CACNA1A: variants seen among roughly 807,000 people sequenced by gnomAD.
CACNA1A encodes the protein calcium voltage-gated channel subunit alpha1 A, also known as voltage-dependent P/Q-type calcium channel subunit alpha-1A.
In CACNA1A, 57 loss-of-function variants were observed where a neutral mutation model predicts 262.4. The ratio of observed to expected loss-of-function variants is 0.22; its 90% CI spans 0.18 to 0.27. The LOEUF is 0.27. Among genes scored for constraint, CACNA1A ranks in the 10% least tolerant of loss-of-function variants. The probability of loss-of-function intolerance (pLI) is 1.00; values close to 1 mark genes in which losing one functional copy is unlikely to be tolerated. For missense variants in CACNA1A, 2,526 were observed against 3,562.8 expected, an observed-to-expected ratio of 0.71 and a Z score of 7.41; for synonymous variants, 1,431 against 1,419.3, an observed-to-expected ratio of 1.01 and a Z score of -0.18.
At position 13,286,928 on chromosome 19, in the gene CACNA1A, T is replaced by G. The variant is rs747802304; in HGVS notation, c.3128A>C (p.Asn1043Thr). The change falls in exon 20 of 47, where the codon AAC becomes ACC. Residue 1043 changes from asparagine (N) to threonine (T), a missense_variant. By Grantham distance (65) the Asn-to-Thr change is moderately conservative. This residue lies in a region of CACNA1A where 765 missense variants were observed against 748.6 expected (regional missense o/e 1.02). Coordinates refer to ENST00000360228, the MANE Select transcript of CACNA1A (RefSeq NM_001127222.2). ...QGSGVPVSGPNLSTTRPIQQD... is the reference protein window; with the variant it reads ...QGSGVPVSGPTLSTTRPIQQD... ...CTGGATTGGCCGGGTGGTTGACAGG[T>G]TGGGGCCCGACACAGGGACCCCGGA... 6.2e-7 allele frequency: 1 copy of G among 1,610,714 alleles called. No individual in the cohort carries two copies. The highest frequency in any genetic ancestry group is 8.5e-7 in the Non-Finnish European group (1 of 1,178,054).
intron 6 of CACNA1A, among the ~76,000 whole-genome samples, chr19:13,351,108 G>A (rs1290707533): frequency 6.6e-6 from 1 of 152,132 alleles, no homozygotes; most frequent in Non-Finnish European, 1.5e-5. Flanking sequence ...GGTTAAAGTG[G>A]TATCTATCTG....
intron 6 of CACNA1A, among the ~76,000 whole-genome samples, chr19:13,336,662 C>T (rs1215261920): frequency 2.1e-5 from 3 of 139,672 alleles, no homozygotes; most frequent in African/African-American, 7.9e-5. Context: ...AAAGCCAGCA[C>T]TTACAGAGTA....
At chr19:13,370,623 A>G (rs528805692) in intron 4 of CACNA1A, among the ~76,000 whole-genome samples, 37 of 146,540 alleles carry the variant, frequency 2.5e-4, no homozygotes, top group African/African-American at 9.4e-4. Flanking sequence ...GGGTTTCGCC[A>G]TGTTGCCCAG....
chr19:13,338,410 A>T (rs1467306959), intron 6 of CACNA1A, among the ~76,000 whole-genome samples: 1 of 152,196 alleles, frequency 6.6e-6, no homozygotes, highest in Admixed American at 6.5e-5. Flanking sequence ...ATCCAAGATC[A>T]CTACAATTAG....
chr19:13,280,971 C>T (rs566017781), intron 22 of CACNA1A, among the ~76,000 whole-genome samples: 18 of 149,138 alleles, frequency 1.2e-4, no homozygotes, highest in African/African-American at 4.2e-4. Flanking sequence ...GAATGCCCAT[C>T]AATCCTGCAA....
chr19:13,473,978 T>C (rs1978304724), intron 1 of CACNA1A, among the ~76,000 whole-genome samples: 1 of 152,184 alleles, frequency 6.6e-6, no homozygotes, highest in African/African-American at 2.4e-5. Context: ...AATATTTGGG[T>C]CTGCCTCGCC....
At chr19:13,473,260 A>G (rs1978291250) in intron 1 of CACNA1A, among the ~76,000 whole-genome samples, 1 of 151,968 alleles carries the variant, frequency 6.6e-6, no homozygotes, top group African/African-American at 2.4e-5. Flanking sequence ...GACAAAAAAA[A>G]AAAAAAGAGA....
rs755846938 is a variant in CACNA1A, at chr19:13,308,545, G to A, written c.1669-17C>T. ...AATGATAACCTAGGGCAGAGAACCTGGTCTCATGTCCAGGGACAGTGTCTG... is the reference window on the plus strand; with the variant it reads ...AATGATAACCTAGGGCAGAGAACCTAGTCTCATGTCCAGGGACAGTGTCTG... On this transcript the variant is annotated splice_polypyrimidine_tract_variant and intron_variant, in intron 12 of 46. Transcript: ENST00000360228. This position sits in a 1 kb window ranked among gnomAD's most constrained non-coding sequence, Gnocchi z 4.2. 3.5e-5 allele frequency: 54 copies of A among 1,522,646 alleles called. No individual in the cohort carries two copies. In the Middle Eastern group the frequency reaches 1.3e-3, roughly 35 times the overall value. 94.3% of individuals were successfully genotyped at this position (1,522,646 alleles called of 1,614,324 possible). A position where few individuals can be genotyped will look rare whatever the true frequency, so the allele number is the denominator to read the frequency against.
At chr19:13,325,379 T>C (rs923745815) in intron 10 of CACNA1A, among the ~76,000 whole-genome samples, 1 of 152,048 alleles carries the variant, frequency 6.6e-6, no homozygotes, top group Non-Finnish European at 1.5e-5. Flanking sequence ...TAGCCTCAAA[T>C]GATCCTCTCA....
rs576264819 is a variant in CACNA1A, at chr19:13,308,029, G to A, written c.1913+91C>T. 2.2e-5 allele frequency: 34 copies of A among 1,539,824 alleles called. No individual in the cohort carries two copies. The highest frequency in any genetic ancestry group is 1.7e-4 in the Middle Eastern group (1 of 5,772). ...TGACCGCAATGGGTGTCTGGGCTAC[G>A]AGGAAGGCAGCCTGCACGGTGGAGG... On this transcript the variant is annotated intron_variant, in intron 14 of 46. Transcript: ENST00000360228. This position sits in a 1 kb window ranked among gnomAD's most constrained non-coding sequence, Gnocchi z 4.2.
At position 13,298,834 on chromosome 19, in the gene CACNA1A, C is replaced by T. The variant is rs761397410; in HGVS notation, c.2799G>A (p.Val933=). The T allele has an allele frequency of 2.0e-5, 31 of 1,580,378 alleles. No individual in the cohort carries two copies. Among genetic ancestry groups the T allele is most frequent in the Middle Eastern group, 3.8e-4 (2 of 5,196 alleles). Reference sequence around the variant, plus strand: ...TCTCCCTGCTGCCCCCCTGCCGGTGCACGTGCCTCCGGTGGGGGTCCCCGG... The same window carrying T: ...TCTCCCTGCTGCCCCCCTGCCGGTGTACGTGCCTCCGGTGGGGGTCCCCGG... ...GKAGDPHRRH[V]HRQGGSRESR... The change falls in exon 19 of 47, where the codon GTG becomes GTA. Residue 933 remains valine, a synonymous_variant. Coordinates refer to ENST00000360228, the MANE Select transcript of CACNA1A (RefSeq NM_001127222.2).
chr19:13,307,499 G>A (rs576255294), intron 15 of CACNA1A: 30 of 332,966 alleles, frequency 9.0e-5, no homozygotes, highest in African/African-American at 1.7e-4. Flanking sequence ...TTCCCAAAGC[G>A]TTGGGATTAC....
intron 3 of CACNA1A, among the ~76,000 whole-genome samples, chr19:13,448,670 T>C (rs922822792): frequency 1.3e-5 from 2 of 152,152 alleles, no homozygotes; most frequent in Non-Finnish European, 2.9e-5. Context: ...GCACACAGTA[T>C]ACAACTCAGC....
intron 11 of CACNA1A, chr19:13,316,089 C>G (rs1409943492): frequency 2.0e-5 from 3 of 152,190 alleles, no homozygotes; most frequent in Non-Finnish European, 4.4e-5. Flanking sequence ...TCCTGAGTAG[C>G]TGGGATTACA....
chr19:13,491,711 C>T (rs532171859), intron 1 of CACNA1A, among the ~76,000 whole-genome samples: 4 of 152,116 alleles, frequency 2.6e-5, no homozygotes, highest in African/African-American at 7.2e-5. Context: ...TGGTGCACAC[C>T]GATAGTCCCA....
intron 1 of CACNA1A, among the ~76,000 whole-genome samples, chr19:13,493,498 A>T (rs1981146338): frequency 6.6e-6 from 1 of 152,232 alleles, no homozygotes; most frequent in African/African-American, 2.4e-5. Context: ...TTGGGGGAAA[A>T]ATTGCTCCCA....
intron 1 of CACNA1A, among the ~76,000 whole-genome samples, chr19:13,476,257 C>G (rs1050864015): frequency 1.3e-5 from 2 of 152,196 alleles, no homozygotes; most frequent in Non-Finnish European, 2.9e-5. Context: ...CCTCCCCTAT[C>G]CCTAACCCAA....
At chr19:13,234,345 A>C (rs1481488388) in intron 34 of CACNA1A, among the ~76,000 whole-genome samples, 1 of 97,410 alleles carries the variant, frequency 1.0e-5, no homozygotes, top group African/African-American at 4.3e-5. Flanking sequence ...GCGAGACTCC[A>C]TCTCCAAAAA....
chr19:13,223,641 G>A (rs35914150), intron 38 of CACNA1A, among the ~76,000 whole-genome samples: 3 of 152,124 alleles, frequency 2.0e-5, no homozygotes, highest in Non-Finnish European at 4.4e-5. Flanking sequence ...CTGAACCTGC[G>A]TGGCGTGCCC....
Sources: gnomAD v4.1 joint callset for allele counts (sites outside exome capture counted in the v4.1 genomes callset) on GRCh38, gnomAD v4.1.1 for gene constraint, gnomAD v4.1.1 regional missense constraint, Gnocchi (gnomAD v3.1) non-coding constraint, MANE v1.5 for transcripts, NCBI Gene and HGNC (gene_info 2026-07-23, HGNC 2026-07-21) for gene names.